The following NDRG4 variants were observed in gnomAD, a reference collection of about 807,000 sequenced individuals.
The protein encoded by NDRG4 is NDRG family member 4.
NDRG4 carries 38 observed loss-of-function variants against 55.8 expected under a neutral mutation model. The observed-to-expected ratio is 0.68, with a 90% CI of 0.53 to 0.89. The LOEUF (loss-of-function observed/expected upper bound fraction) is 0.89. Among genes scored for constraint, NDRG4 ranks in the 40% least tolerant of loss-of-function variants. The pLI, the probability that NDRG4 is intolerant of heterozygous loss-of-function variation, is 0.00. For synonymous variants in NDRG4, 190 were observed against 182.7 expected, an observed-to-expected ratio of 1.04 and a Z score of -0.32; for missense variants, 455 against 468.6, an observed-to-expected ratio of 0.97 and a Z score of 0.27.
At chr16:58,484,380 A>T (rs1319176841) in intron 1 of NDRG4, among the ~76,000 whole-genome samples, 2 of 152,028 alleles carry the variant, frequency 1.3e-5, no homozygotes, top group South Asian at 2.1e-4. Flanking sequence ...CTAAAAAAAA[A>T]TTTATATATT....
rs1289459467 is a variant in NDRG4, at chr16:58,513,303, A to G, written c.*1727A>G. Reference sequence around the variant, plus strand: ...TTCTCCGCACAAAGTAAAGAGCCTAATTTTGTGTATTCTGGTGGCTGCTGT... The same window carrying G: ...TTCTCCGCACAAAGTAAAGAGCCTAGTTTTGTGTATTCTGGTGGCTGCTGT... On this transcript the variant is annotated 3_prime_UTR_variant, in exon 15 of 15. Transcript: ENST00000570248. 4 of 152,144 alleles carry G rather than the reference A, an allele frequency of 2.6e-5. No individual in the cohort carries two copies. The highest frequency in any genetic ancestry group is 4.4e-5 in the Non-Finnish European group (3 of 68,038). 9.4% of individuals were successfully genotyped at this position (152,144 alleles called of 1,614,324 possible). A position where few individuals can be genotyped will look rare whatever the true frequency, so the allele number is the denominator to read the frequency against.
chr16:58,499,969 C>A, upstream of NDRG4: 1 of 665,608 alleles, frequency 1.5e-6, no homozygotes, highest in Non-Finnish European at 2.4e-6. Flanking sequence ...AGTGACAGGG[C>A]TGGGGCAAGG....
chr16:58,500,468 C>A, intron 1 of NDRG4, 199 bp downstream of exon 1: 1 of 672,622 alleles, frequency 1.5e-6, no homozygotes, highest in Non-Finnish European at 2.4e-6. Flanking sequence ...TGGCTGGGGG[C>A]AGCTGCTAGT....
chr16:58,506,044 C>CA (rs1159247391), intron 5 of NDRG4: 6 of 415,686 alleles, frequency 1.4e-5, no homozygotes, highest in African/African-American at 2.1e-5. Flanking sequence ...TCTATAAAAG[C>CA]AAAAAAACAA....
chr16:58,491,126 A>G (rs931825654), intron 2 of NDRG4, among the ~76,000 whole-genome samples: 1 of 151,300 alleles, frequency 6.6e-6, no homozygotes, highest in African/African-American at 2.4e-5. Flanking sequence ...AAAATACAAA[A>G]TTAGCCAGAT....
At chr16:58,509,555 G>A (rs954395704) in intron 13 of NDRG4, among the ~76,000 whole-genome samples, 2 of 152,184 alleles carry the variant, frequency 1.3e-5, no homozygotes, top group Non-Finnish European at 2.9e-5. Flanking sequence ...ATCCCAGGCT[G>A]TGCCCAACTC....
At chr16:58,497,486 A>G (rs1345891921), upstream of NDRG4, among the ~76,000 whole-genome samples, 1 of 152,196 alleles carries the variant, frequency 6.6e-6, no homozygotes, top group Non-Finnish European at 1.5e-5. Flanking sequence ...GCCGCTGCTT[A>G]CTAGCCAAGT....
At chr16:58,499,917 T>C, upstream of NDRG4, 1 of 473,926 alleles carries the variant, frequency 2.1e-6, no homozygotes, top group Non-Finnish European at 3.9e-6. Context: ...ATGCAGGGGC[T>C]GGGGACCATC....
chr16:58,465,588 G>C (rs1256911815), intron 1 of NDRG4, among the ~76,000 whole-genome samples: 1 of 151,572 alleles, frequency 6.6e-6, no homozygotes, highest in African/African-American at 2.4e-5. Context: ...GGGTACGTTG[G>C]GTGAGGTTTT....
intron 1 of NDRG4, among the ~76,000 whole-genome samples, chr16:58,475,115 T>G (rs1810235883): frequency 6.6e-6 from 1 of 152,206 alleles, no homozygotes; most frequent in South Asian, 2.1e-4. Flanking sequence ...GAAGTTTCAT[T>G]GACTCAGTTT....
intron 13 of NDRG4, among the ~76,000 whole-genome samples, chr16:58,510,259 G>A (rs1335202842): frequency 6.6e-6 from 1 of 152,228 alleles, no homozygotes; most frequent in Non-Finnish European, 1.5e-5. Context: ...CGAGGTGAAC[G>A]GAAGAACATT....
intron 8 of NDRG4, 53 bp from the exon 9 acceptor site, chr16:58,507,755 C>T (rs1045436152): frequency 8.3e-5 from 131 of 1,569,582 alleles, no homozygotes; most frequent in Non-Finnish European, 1.0e-4. Context: ...GGATGCCCCT[C>T]ATCCTGTCCT....
upstream of NDRG4, among the ~76,000 whole-genome samples, chr16:58,498,134 C>G (rs1186496771): frequency 6.6e-6 from 1 of 151,932 alleles, no homozygotes; most frequent in Non-Finnish European, 1.5e-5. Flanking sequence ...ACTCAGGGGT[C>G]AGAGGTTGGA....
At chr16:58,467,506 C>CA (rs891246188) in intron 1 of NDRG4, among the ~76,000 whole-genome samples, 233 of 145,394 alleles carry the variant, frequency 1.6e-3, no homozygotes, top group African/African-American at 2.1e-3. Context: ...GACTCTGTCT[C>CA]AAAAAAAAAA....
chr16:58,508,678 A>C (rs2151839008), intron 10 of NDRG4, among the ~76,000 whole-genome samples: 1 of 152,242 alleles, frequency 6.6e-6, no homozygotes, highest in East Asian at 1.9e-4. Context: ...TTCCCAGGCC[A>C]GTCCCACCAC....
chr16:58,495,968 C>T (rs931164905), upstream of NDRG4, among the ~76,000 whole-genome samples: 34 of 152,158 alleles, frequency 2.2e-4, no homozygotes, highest in Non-Finnish European at 3.5e-4. Flanking sequence ...AAGGGACAGC[C>T]GGAGATCAGG....
chr16:58,494,333 C>G (rs1345654865), intron 2 of NDRG4, among the ~76,000 whole-genome samples: 3 of 152,224 alleles, frequency 2.0e-5, no homozygotes, highest in African/African-American at 4.8e-5. Context: ...CTCTTTCCCC[C>G]TCACTGTGTG....
At chr16:58,481,999 G>C (rs1268072578) in intron 1 of NDRG4, among the ~76,000 whole-genome samples, 1 of 151,888 alleles carries the variant, frequency 6.6e-6, no homozygotes, top group Non-Finnish European at 1.5e-5. Flanking sequence ...CGGGTAGGGT[G>C]GTGGCCCATG....
upstream of NDRG4, among the ~76,000 whole-genome samples, chr16:58,497,763 T>C (rs893012160): frequency 6.6e-6 from 1 of 152,160 alleles, no homozygotes; most frequent in Non-Finnish European, 1.5e-5. Flanking sequence ...CCACTGTAAC[T>C]GCACAACCAC....
Sources: gnomAD v4.1 joint callset for allele counts (sites outside exome capture counted in the v4.1 genomes callset) on GRCh38, gnomAD v4.1.1 for gene constraint, MANE v1.5 for transcripts, NCBI Gene and HGNC (gene_info 2026-07-23, HGNC 2026-07-21) for gene names.